Variants in LHFPL3 observed in about 807,000 individuals in gnomAD.
LHFPL3 encodes the protein LHFPL tetraspan subfamily member 3 protein.
In LHFPL3, 5 loss-of-function variants were observed where a neutral mutation model predicts 19.3. The observed-to-expected ratio is 0.26, with a 90% CI of 0.14 to 0.54. The LOEUF is 0.54. Among genes scored for constraint, LHFPL3 ranks in the 20% least tolerant of loss-of-function variants. The pLI is 0.94. For missense variants in LHFPL3, 249 were observed against 307.4 expected, an observed-to-expected ratio of 0.81 and a Z score of 1.42; for synonymous variants, 133 against 126.2, an observed-to-expected ratio of 1.05 and a Z score of -0.36.
At chr7:104,377,104 A>G (rs916248080) in intron 1 of LHFPL3, among the ~76,000 whole-genome samples, 4 of 152,192 alleles carry the variant, frequency 2.6e-5, no homozygotes, top group Middle Eastern at 3.2e-3. Context: ...GAAGGTCCAA[A>G]ATATCTCTGT....
chr7:104,828,245 A>C (rs1230208285), intron 2 of LHFPL3, among the ~76,000 whole-genome samples: 5 of 151,942 alleles, frequency 3.3e-5, no homozygotes, highest in South Asian at 4.1e-4. Flanking sequence ...GACATAGTCA[A>C]CTTTCCTGGG....
At chr7:104,418,932 CTA>C (rs1584306567) in intron 1 of LHFPL3, among the ~76,000 whole-genome samples, 1 of 152,320 alleles carries the variant, frequency 6.6e-6, no homozygotes, top group East Asian at 1.9e-4. Flanking sequence ...AAGAGCAATC[CTA>C]TGAGACAAGT....
chr7:104,829,523 T>TGC, intron 2 of LHFPL3, among the ~76,000 whole-genome samples: 1 of 151,644 alleles, frequency 6.6e-6, no homozygotes, highest in African/African-American at 2.4e-5. Flanking sequence ...ATGTTCCCCT[T>TGC]CCTGTGTCCA....
At chr7:104,559,270 C>A (rs912966694) in intron 1 of LHFPL3, among the ~76,000 whole-genome samples, 1 of 143,588 alleles carries the variant, frequency 7.0e-6, no homozygotes, top group Non-Finnish European at 1.5e-5. Context: ...TTACCTTGGG[C>A]AGTATGGCCA....
intron 1 of LHFPL3, among the ~76,000 whole-genome samples, chr7:104,591,514 G>T (rs1438175468): frequency 6.6e-6 from 1 of 152,184 alleles, no homozygotes; most frequent in Non-Finnish European, 1.5e-5. Context: ...CCCTTTGTGG[G>T]TAACCCGACC....
At chr7:104,788,108 A>G (rs1335792583) in intron 2 of LHFPL3, among the ~76,000 whole-genome samples, 2 of 152,104 alleles carry the variant, frequency 1.3e-5, no homozygotes, top group African/African-American at 4.8e-5. Context: ...GAAACCATTT[A>G]TTTCTGCTCA....
intron 1 of LHFPL3, among the ~76,000 whole-genome samples, chr7:104,436,242 T>G (rs1038688097): frequency 1.3e-5 from 2 of 152,194 alleles, no homozygotes; most frequent in Non-Finnish European, 2.9e-5. Context: ...ATTTTAAAGT[T>G]TTGTAAGTGG....
At chr7:104,757,428 G>C (rs1030809580) in intron 2 of LHFPL3, among the ~76,000 whole-genome samples, 2 of 152,070 alleles carry the variant, frequency 1.3e-5, no homozygotes, top group African/African-American at 4.8e-5. Flanking sequence ...ACAACCTACA[G>C]AATGGGAGAA....
intron 2 of LHFPL3, among the ~76,000 whole-genome samples, chr7:104,850,242 CG>C (rs1327200412): frequency 6.6e-6 from 1 of 151,974 alleles, no homozygotes; most frequent in Non-Finnish European, 1.5e-5. Context: ...GCAGAGGTTG[CG>C]GTGAGCCGAG....
chr7:104,572,091 A>G (rs144926029), intron 1 of LHFPL3, among the ~76,000 whole-genome samples: 2 of 152,284 alleles, frequency 1.3e-5, no homozygotes, highest in African/African-American at 2.4e-5. Flanking sequence ...AAGATATATC[A>G]CCTGACTTTG....
intron 1 of LHFPL3, among the ~76,000 whole-genome samples, chr7:104,465,427 A>C (rs1792759714): frequency 6.6e-6 from 1 of 152,204 alleles, no homozygotes; most frequent in African/African-American, 2.4e-5. Flanking sequence ...CACTCTCTGC[A>C]GTACTGAATT....
intron 1 of LHFPL3, among the ~76,000 whole-genome samples, chr7:104,571,699 C>T (rs1456570278): frequency 6.6e-6 from 1 of 152,176 alleles, no homozygotes; most frequent in Non-Finnish European, 1.5e-5. Context: ...AAGCATCACA[C>T]ATATTTCATT....
At chr7:104,825,106 C>CAGCTG (rs1790792076) in intron 2 of LHFPL3, among the ~76,000 whole-genome samples, 4 of 149,866 alleles carry the variant, frequency 2.7e-5, no homozygotes, top group Non-Finnish European at 5.9e-5. Flanking sequence ...GATAGGAGGA[C>CAGCTG]CATATAAGAT....
intron 1 of LHFPL3, among the ~76,000 whole-genome samples, chr7:104,534,539 A>T (rs1012933976): frequency 8.5e-5 from 13 of 152,236 alleles, no homozygotes; most frequent in African/African-American, 3.1e-4. Context: ...AGCAAATATT[A>T]TCAAAGAACC....
chr7:104,491,094 C>T (rs1458847681), intron 1 of LHFPL3, among the ~76,000 whole-genome samples: 1 of 152,142 alleles, frequency 6.6e-6, no homozygotes, highest in African/African-American at 2.4e-5. Flanking sequence ...AGAACAGAAG[C>T]CATGGGCCTC....
chr7:104,808,576 G>A (rs559356375), intron 2 of LHFPL3, among the ~76,000 whole-genome samples: 33 of 152,320 alleles, frequency 2.2e-4, no homozygotes, highest in African/African-American at 7.7e-4. Flanking sequence ...AACTGGAGGA[G>A]AAGAGGTGAA....
At chr7:104,675,596 G>A (rs575645970) in intron 1 of LHFPL3, among the ~76,000 whole-genome samples, 1 of 152,290 alleles carries the variant, frequency 6.6e-6, no homozygotes, top group East Asian at 1.9e-4. Flanking sequence ...AACAATCCAG[G>A]TGGGATATCA....
intron 2 of LHFPL3, among the ~76,000 whole-genome samples, chr7:104,747,412 G>T (rs537966128): frequency 3.9e-4 from 59 of 152,286 alleles, no homozygotes; most frequent in Non-Finnish European, 4.6e-4. Flanking sequence ...CCAGGCAGAA[G>T]AAACAATAAA....
At chr7:104,348,415 A>G (rs576476135) in intron 1 of LHFPL3, among the ~76,000 whole-genome samples, 40 of 152,364 alleles carry the variant, frequency 2.6e-4, no homozygotes, top group African/African-American at 9.4e-4. Context: ...TTTTGATTTC[A>G]AGATTAAAAA....
Sources: gnomAD v4.1 joint callset for allele counts (sites outside exome capture counted in the v4.1 genomes callset) on GRCh38, gnomAD v4.1.1 for gene constraint, MANE v1.5 for transcripts, NCBI Gene and HGNC (gene_info 2026-07-23, HGNC 2026-07-21) for gene names.